The following SLIT1 variants were observed in gnomAD, a reference collection of about 807,000 sequenced individuals.
The protein encoded by SLIT1 is slit homolog 1 protein.
A neutral mutation model predicts 186.1 loss-of-function variants in SLIT1; 66 were observed. The ratio of observed to expected loss-of-function variants is 0.35; its 90% CI spans 0.29 to 0.44. The LOEUF is 0.44. Ranked by LOEUF, SLIT1 falls within the 20% of genes least tolerant of loss-of-function variation. The pLI, the probability that SLIT1 is intolerant of heterozygous loss-of-function variation, is 1.00. For synonymous variants in SLIT1, 761 were observed against 833.8 expected (o/e 0.91, Z 1.50); for missense variants, 1,638 against 2,037.4 (o/e 0.80, Z 3.77).
intron 4 of SLIT1, among the ~76,000 whole-genome samples, chr10:97,128,926 C>CA (rs56959083): frequency 0.51 from 76,549 of 150,934 alleles, 21,378 homozygotes; most frequent in Non-Finnish European, 0.62. Flanking sequence ...AAAACTAAGA[C>CA]AAAAAAAAAT....
At chr10:97,014,380 G>A (rs912301071) in intron 28 of SLIT1, among the ~76,000 whole-genome samples, 2 of 152,208 alleles carry the variant, frequency 1.3e-5, no homozygotes, top group African/African-American at 4.8e-5. Context: ...ATGGCGAGGG[G>A]AGAGGTAGTG....
intron 1 of SLIT1, among the ~76,000 whole-genome samples, chr10:97,167,695 G>A (rs1850138220): frequency 6.6e-6 from 1 of 152,160 alleles, no homozygotes; most frequent in Admixed American, 6.5e-5. Flanking sequence ...ATCTCATCTT[G>A]AATTGTAGTT....
chr10:97,076,928 C>T (rs1301604829), intron 4 of SLIT1, among the ~76,000 whole-genome samples: 3 of 152,190 alleles, frequency 2.0e-5, no homozygotes, highest in African/African-American at 7.2e-5. Flanking sequence ...CTGCCACAAG[C>T]CCAGTTTCCT....
At chr10:97,057,686 C>A (rs1848853893) in intron 11 of SLIT1, 1 of 383,600 alleles carries the variant, frequency 2.6e-6, no homozygotes, top group Non-Finnish European at 4.7e-6. Context: ...CAGAGAGTTA[C>A]AGGAAAAAAT....
In SLIT1 at chr10:97,180,776, GCAGA is replaced by G. The variant is rs561493388; in HGVS notation, c.197+4698_197+4701del. Among the ~76,000 whole-genome samples, 9 of 152,352 alleles carry G rather than the reference GCAGA, an allele frequency of 5.9e-5. No individual in the cohort carries two copies. In the East Asian group the frequency reaches 1.5e-3, roughly 26 times the overall value. ...TCTAAACAGACAGACTGCGCTCTAA[GCAGA>G]CAGACTGCAAGAGAGGCAACACTCA... On this transcript the variant is annotated intron_variant, in intron 1 of 36. Coordinates refer to ENST00000266058, the MANE Select transcript of SLIT1 (RefSeq NM_003061.3).
intron 4 of SLIT1, among the ~76,000 whole-genome samples, chr10:97,126,338 T>C (rs1163968528): frequency 1.3e-5 from 2 of 152,186 alleles, no homozygotes; most frequent in Admixed American, 1.3e-4. Context: ...GGGTGAACAA[T>C]GAATCGGATG....
intron 18 of SLIT1, among the ~76,000 whole-genome samples, chr10:97,045,630 A>G (rs987048233): frequency 6.6e-6 from 1 of 152,232 alleles, no homozygotes; most frequent in Non-Finnish European, 1.5e-5. Context: ...ACATTTAAGG[A>G]ATACTAGGTA....
At position 97,022,861 on chromosome 10, in the gene SLIT1, T is replaced by C. The variant is rs1848513124; in HGVS notation, c.2583-1448A>G. On this transcript the variant is annotated intron_variant, in intron 25 of 36. Transcript: ENST00000266058. This position sits in a 1 kb window ranked among gnomAD's most constrained non-coding sequence, Gnocchi z 4.2. ...GGTTCCTCCTTACAAATCACATCAC[T>C]ACTGAGCAGCTTGCTCCTTGTCACT... Among the ~76,000 whole-genome samples the C allele has an allele frequency of 6.6e-6, 1 of 152,224 alleles. No individual in the cohort carries two copies. Among genetic ancestry groups the C allele is most frequent in the African/African-American group, 2.4e-5 (1 of 41,466 alleles).
In SLIT1 at chr10:97,046,769, T is replaced by G. The variant is rs1039232520; in HGVS notation, c.1738A>C (p.Ile580Leu). Residue 580 changes from isoleucine to leucine, a missense_variant, in exon 18 of 37, where the codon ATT becomes CTT. Ile to Leu is a conservative substitution (Grantham distance 5). Coordinates refer to ENST00000266058, the MANE Select transcript of SLIT1 (RefSeq NM_003061.3). Reference sequence around the variant, plus strand: ...GCGCCCTCGAAGGCCCCATCTTCAATTTCTGACACCTTGTTGTTGCTCAGA... The same window carrying G: ...GCGCCCTCGAAGGCCCCATCTTCAAGTTCTGACACCTTGTTGTTGCTCAGA... Reference protein sequence around the residue: ...INLSNNKVSEIEDGAFEGAAS... With the variant: ...INLSNNKVSELEDGAFEGAAS... 3 of 1,612,448 alleles carry G rather than the reference T, an allele frequency of 1.9e-6. No homozygotes were observed. The highest frequency in any genetic ancestry group is 1.7e-6 in the Non-Finnish European group (2 of 1,180,040).
chr10:97,111,056 G>A (rs994099446), intron 4 of SLIT1, among the ~76,000 whole-genome samples: 9 of 152,070 alleles, frequency 5.9e-5, no homozygotes, highest in Admixed American at 2.6e-4. Context: ...CAGGCCTGGT[G>A]GCAGGCACCT....
Position 97,002,921 on chromosome 10 carries a change from A to C in SLIT1, c.3937T>G (p.Cys1313Gly), listed in dbSNP as rs1387630443. Residue 1313 changes from cysteine (C) to glycine (G), a missense_variant, in exon 35 of 37, where the codon TGC becomes GGC. Around this residue, in one of 3 missense-constraint regions of SLIT1, gnomAD observed 173 missense variants for 290.9 expected, o/e 0.59. Transcript: ENST00000266058. ...TTGTTGATGTACAGGTTTCGGATGC[A>C]ACCGTGGAAGCCGGTGCCGTTGAGG... is the stretch of plus-strand genomic sequence containing the variant. The part of the protein sequence containing the change: ...QILNGTGFHG[C>G]IRNLYINNEL... The C allele has an allele frequency of 6.2e-7, 1 of 1,614,216 alleles. No individual in the cohort carries two copies. Among genetic ancestry groups the C allele is most frequent in the Non-Finnish European group, 8.5e-7 (1 of 1,180,030 alleles).
chr10:97,091,140 A>G (rs545790184), intron 4 of SLIT1, among the ~76,000 whole-genome samples: 1 of 152,386 alleles, frequency 6.6e-6, no homozygotes, highest in South Asian at 2.1e-4. Context: ...TGCAAAAGGC[A>G]AGTGCTATGG....
In SLIT1 at chr10:97,177,322, C is replaced by T. The variant is rs182084630; in HGVS notation, c.197+8156G>A. 1.2e-3 allele frequency among the ~76,000 whole-genome samples: 186 copies of T among 152,342 alleles called. 1 individual carries two copies. Among genetic ancestry groups the T allele is most frequent in the Non-Finnish European group, 8.5e-4 (58 of 68,034 alleles). The stretch of plus-strand genomic sequence containing the variant: ...CCACAGCTTCTCCTCCAGGACCAGT[C>T]GCCCTTTCCAGCTTTATTCCTGTCC... On this transcript the variant is annotated intron_variant, in intron 1 of 36. Transcript: ENST00000266058.
chr10:97,040,379 A>C (rs548769928), intron 20 of SLIT1, among the ~76,000 whole-genome samples: 1 of 152,116 alleles, frequency 6.6e-6, no homozygotes, highest in Non-Finnish European at 1.5e-5. Flanking sequence ...ACCTGGTCAA[A>C]GTAGAACAGG....
intron 11 of SLIT1, chr10:97,057,616 C>A (rs913660225): frequency 8.2e-6 from 3 of 365,370 alleles, no homozygotes; most frequent in African/African-American, 6.1e-5. Flanking sequence ...GGTCCAGAAT[C>A]CAAAAGGAGA....
At chr10:97,051,269 A>T (rs969511349) in intron 13 of SLIT1, among the ~76,000 whole-genome samples, 12 of 152,112 alleles carry the variant, frequency 7.9e-5, no homozygotes, top group Non-Finnish European at 1.3e-4. Context: ...TGCAAAAAAA[A>T]AAAAGACAAA....
At chr10:97,046,925 G>A (rs1848739603) in intron 17 of SLIT1, 66 bp downstream of exon 17, 1 of 1,556,126 alleles carries the variant, frequency 6.4e-7, no homozygotes, top group South Asian at 1.1e-5. Flanking sequence ...CCCCCACCCT[G>A]GCATTTCCCT....
chr10:97,053,956 G>C (rs12256276), intron 13 of SLIT1, among the ~76,000 whole-genome samples: 2 of 152,032 alleles, frequency 1.3e-5, no homozygotes, highest in Non-Finnish European at 2.9e-5. Context: ...ATCGGTGTTC[G>C]GTGTTTGGTC....
intron 4 of SLIT1, among the ~76,000 whole-genome samples, chr10:97,085,158 C>T (rs1849145772): frequency 6.6e-6 from 1 of 151,806 alleles, no homozygotes; most frequent in Non-Finnish European, 1.5e-5. Flanking sequence ...CTCCTGACCT[C>T]GTGATCCACC....
Sources: gnomAD v4.1 joint callset for allele counts (sites outside exome capture counted in the v4.1 genomes callset) on GRCh38, gnomAD v4.1.1 for gene constraint, gnomAD v4.1.1 regional missense constraint, Gnocchi (gnomAD v3.1) non-coding constraint, MANE v1.5 for transcripts, NCBI Gene and HGNC (gene_info 2026-07-23, HGNC 2026-07-21) for gene names.